The following CEP57 variants were observed in gnomAD, a reference collection of about 807,000 sequenced individuals.
CEP57 encodes the protein centrosomal protein of 57 kDa.
Under a neutral mutation model 68.0 loss-of-function variants are expected in CEP57, and 40 were observed. The ratio of observed to expected loss-of-function variants is 0.59; its 90% CI spans 0.46 to 0.77. The LOEUF is 0.77. Among genes scored for constraint, CEP57 ranks in the 30% least tolerant of loss-of-function variants. CEP57 has a pLI of 0.00. For synonymous variants in CEP57, 219 were observed against 198.7 expected (o/e 1.10, Z -0.86); for missense variants, 606 against 580.7 (o/e 1.04, Z -0.45).
chr11:95,795,379 A>G, intron 1 of CEP57: 3 of 387,638 alleles, frequency 7.7e-6, no homozygotes, highest in East Asian at 3.7e-5. Context: ...ACTCTTACAT[A>G]TCTATTTTAC....
At chr11:95,796,571 GTA>G (rs1349151855) in intron 1 of CEP57, among the ~76,000 whole-genome samples, 1 of 152,182 alleles carries the variant, frequency 6.6e-6, no homozygotes, top group East Asian at 1.9e-4. Flanking sequence ...CGGAGGAAAT[GTA>G]TAGTTAATAT....
intron 2 of CEP57, among the ~76,000 whole-genome samples, chr11:95,809,809 C>T (rs774871272): frequency 3.3e-5 from 5 of 152,048 alleles, no homozygotes; most frequent in Non-Finnish European, 5.9e-5. Flanking sequence ...GAAACAATTC[C>T]AATCAATGGA....
intron 2 of CEP57, among the ~76,000 whole-genome samples, chr11:95,806,216 C>T (rs140168372): frequency 6.6e-6 from 1 of 152,228 alleles, no homozygotes; most frequent in African/African-American, 2.4e-5. Flanking sequence ...TGGAAGTAAG[C>T]TGGGTATAAT....
At chr11:95,790,151 T>A (rs968818517), upstream of CEP57, 4 of 170,856 alleles carry the variant, frequency 2.3e-5, no homozygotes, top group African/African-American at 9.6e-5. Context: ...AGGTAAATAC[T>A]TCACCTGGAG....
At chr11:95,830,227 T>G (rs1209477015) in intron 10 of CEP57, among the ~76,000 whole-genome samples, 2 of 152,198 alleles carry the variant, frequency 1.3e-5, no homozygotes, top group Non-Finnish European at 2.9e-5. Flanking sequence ...TATGCATATA[T>G]CCTCAGTGAA....
intron 2 of CEP57, among the ~76,000 whole-genome samples, chr11:95,811,835 T>C (rs1862077211): frequency 6.6e-6 from 1 of 152,218 alleles, no homozygotes; most frequent in Non-Finnish European, 1.5e-5. Context: ...TGATTCTTCT[T>C]TGACCCAGTA....
At chr11:95,811,912 A>G (rs1285607059) in intron 2 of CEP57, among the ~76,000 whole-genome samples, 2 of 151,142 alleles carry the variant, frequency 1.3e-5, no homozygotes, top group African/African-American at 2.4e-5. Context: ...GGGAATTCTC[A>G]CTATTTAATA....
intron 1 of CEP57, among the ~76,000 whole-genome samples, chr11:95,795,174 A>G (rs1272168478): frequency 6.6e-6 from 1 of 152,140 alleles, no homozygotes; most frequent in Non-Finnish European, 1.5e-5. Flanking sequence ...TTTCTAGCTT[A>G]ATTTGGGTGT....
At chr11:95,814,220 CT>C (rs1862201510) in intron 4 of CEP57, among the ~76,000 whole-genome samples, 1 of 151,076 alleles carries the variant, frequency 6.6e-6, no homozygotes, top group Non-Finnish European at 1.5e-5. Context: ...GCCCAGCTAA[CT>C]TTTGTGTGTG....
At chr11:95,793,640 G>A (rs562322410) in intron 1 of CEP57, among the ~76,000 whole-genome samples, 1 of 152,234 alleles carries the variant, frequency 6.6e-6, no homozygotes. Context: ...ACCTGGCAAG[G>A]CATAATCCTT....
At chr11:95,822,677 G>GTGCCTTTACCAGTGTGTGGATCA (rs56284050) in intron 8 of CEP57, 101 bp downstream of exon 8, 242,207 of 887,048 alleles carry the variant, frequency 0.27, 44,932 homozygotes, top group Non-Finnish European at 0.31. Flanking sequence ...ACATTTTTCT[G>GTGCCTTTACCAGTGTGTGGATCA]TGCCTTTACC....
chr11:95,790,865 C>T, intron 1 of CEP57, 122 bp downstream of exon 1: 1 of 1,107,986 alleles, frequency 9.0e-7, no homozygotes, highest in Non-Finnish European at 1.3e-6. Flanking sequence ...GCGGGAATGC[C>T]TAGATTGCCC....
At chr11:95,822,354 G>T in intron 7 of CEP57, 145 bp from the exon 8 acceptor site, 1 of 675,930 alleles carries the variant, frequency 1.5e-6, no homozygotes, top group Non-Finnish European at 2.6e-6. Context: ...AGTACTATTA[G>T]GAGCTGGCTT....
intron 1 of CEP57, among the ~76,000 whole-genome samples, chr11:95,793,043 T>C (rs191643690): frequency 1.8e-4 from 27 of 152,316 alleles, no homozygotes; most frequent in South Asian, 8.3e-4. Flanking sequence ...GATAAACTCA[T>C]ACGGAGCTAG....
intron 4 of CEP57, chr11:95,815,181 C>G (rs1862252526): frequency 6.6e-6 from 1 of 152,184 alleles, no homozygotes. Flanking sequence ...GCTTTCTACC[C>G]TCAGTCAGCT....
chr11:95,810,825 G>A (rs556869708), intron 2 of CEP57, among the ~76,000 whole-genome samples: 31 of 152,154 alleles, frequency 2.0e-4, no homozygotes, highest in African/African-American at 6.3e-4. Flanking sequence ...ACTGACTTTC[G>A]TCACAGAATT....
intron 2 of CEP57, 90 bp from the exon 3 acceptor site, chr11:95,812,842 T>G (rs930587293): frequency 2.6e-6 from 3 of 1,169,670 alleles, no homozygotes; most frequent in Non-Finnish European, 3.9e-6. Context: ...CCATCAATTT[T>G]ATTTTTTATT....
intron 2 of CEP57, among the ~76,000 whole-genome samples, chr11:95,806,762 C>T (rs1000322965): frequency 3.3e-5 from 5 of 152,246 alleles, no homozygotes; most frequent in African/African-American, 1.2e-4. Flanking sequence ...TCAAAGAGGC[C>T]TGCCTGCCTC....
At chr11:95,795,824 C>T (rs1861319817) in intron 1 of CEP57, among the ~76,000 whole-genome samples, 1 of 152,028 alleles carries the variant, frequency 6.6e-6, no homozygotes, top group Non-Finnish European at 1.5e-5. Flanking sequence ...CTTGACTTCT[C>T]CAATTTTATT....
Sources: gnomAD v4.1 joint callset for allele counts (sites outside exome capture counted in the v4.1 genomes callset) on GRCh38, gnomAD v4.1.1 for gene constraint, MANE v1.5 for transcripts, NCBI Gene and HGNC (gene_info 2026-07-23, HGNC 2026-07-21) for gene names.